Variants in ROBO2 observed in about 807,000 individuals in gnomAD.
ROBO2 encodes roundabout guidance receptor 2, also known as roundabout homolog 2.
A neutral mutation model predicts 160.8 loss-of-function variants in ROBO2; 53 were observed. The observed-to-expected ratio is 0.33, with a 90% CI of 0.26 to 0.41. ROBO2 has a LOEUF of 0.41. Ranked by LOEUF, ROBO2 falls within the 10% of genes least tolerant of loss-of-function variation. The pLI, the probability that ROBO2 is intolerant of heterozygous loss-of-function variation, is 1.00. For missense variants in ROBO2, 1,577 were observed against 1,722.4 expected (o/e 0.92, Z 1.49); for synonymous variants, 664 against 611.7 (o/e 1.09, Z -1.26).
In ROBO2 at chr3:77,130,857, A is replaced by G. The variant is rs9851604; in HGVS notation, c.388+32517A>G. 7.3e-3 allele frequency among the ~76,000 whole-genome samples: 1,113 copies of G among 152,326 alleles called. 10 individuals are homozygous for G. Among genetic ancestry groups the G allele is most frequent in the Non-Finnish European group, 9.7e-3 (660 of 68,030 alleles). On this transcript the variant is annotated intron_variant, in intron 2 of 25. Transcript: ENST00000461745. ...TGATTGCTTTAAAATGGAAACATAT[A>G]TGATTTTCCATCATTTATATATGAA... is the stretch of plus-strand genomic sequence containing the variant.
chr3:77,638,541 G>GTCCC (rs2095300999), intron 24 of ROBO2, among the ~76,000 whole-genome samples: 1 of 152,022 alleles, frequency 6.6e-6, no homozygotes, highest in Admixed American at 6.6e-5. Flanking sequence ...CCTTCCCTGT[G>GTCCC]TCCCATAAGA....
intron 2 of ROBO2, among the ~76,000 whole-genome samples, chr3:77,151,427 AG>A (rs1261363270): frequency 6.6e-6 from 1 of 152,152 alleles, no homozygotes; most frequent in African/African-American, 2.4e-5. Context: ...TAAATGGAGA[AG>A]TAAGTTTTTC....
chr3:76,212,609 T>C (rs982454490), intron 2 of ROBO2, among the ~76,000 whole-genome samples: 28 of 152,150 alleles, frequency 1.8e-4, no homozygotes, highest in Admixed American at 1.2e-3. Context: ...TCATTTATTA[T>C]GCAATAAGAT....
intron 2 of ROBO2, among the ~76,000 whole-genome samples, chr3:76,248,441 T>C (rs1162221279): frequency 2.1e-5 from 3 of 141,906 alleles, no homozygotes; most frequent in Non-Finnish European, 4.5e-5. Flanking sequence ...AATTGAACAA[T>C]GAGATCACAT....
At chr3:77,266,925 T>C (rs2059160427) in intron 2 of ROBO2, among the ~76,000 whole-genome samples, 1 of 152,184 alleles carries the variant, frequency 6.6e-6, no homozygotes, top group Non-Finnish European at 1.5e-5. Context: ...ATGTTGATTT[T>C]TTCAAGCTTT....
At chr3:76,062,313 TA>T (rs1212880307) in intron 2 of ROBO2, among the ~76,000 whole-genome samples, 1 of 142,680 alleles carries the variant, frequency 7.0e-6, no homozygotes, top group African/African-American at 2.7e-5. Context: ...AAAGTTAACT[TA>T]AAAATTTCAG....
intron 2 of ROBO2, among the ~76,000 whole-genome samples, chr3:77,205,423 G>A (rs780021009): frequency 6.6e-6 from 1 of 151,874 alleles, no homozygotes. Flanking sequence ...CTGCCGTGCC[G>A]TTCTGCTGTT....
intron 2 of ROBO2, among the ~76,000 whole-genome samples, chr3:76,600,635 A>G (rs2087068707): frequency 6.6e-6 from 1 of 152,150 alleles, no homozygotes; most frequent in South Asian, 2.1e-4. Flanking sequence ...CAGTGCAGGA[A>G]AGGCCCACCC....
chr3:77,211,787 A>C (rs1406019649), intron 2 of ROBO2, among the ~76,000 whole-genome samples: 1 of 152,182 alleles, frequency 6.6e-6, no homozygotes, highest in Non-Finnish European at 1.5e-5. Flanking sequence ...TCAGCTTTCT[A>C]CATATGGCTA....
chr3:77,317,981 C>G (rs143301527), intron 2 of ROBO2, among the ~76,000 whole-genome samples: 1 of 151,318 alleles, frequency 6.6e-6, no homozygotes, highest in Non-Finnish European at 1.5e-5. Context: ...CTCCACATTG[C>G]GAAGAAGGTG....
chr3:76,161,747 G>A (rs1331896242), intron 2 of ROBO2, among the ~76,000 whole-genome samples: 5 of 151,950 alleles, frequency 3.3e-5, no homozygotes, highest in African/African-American at 1.2e-4. Context: ...GGTGTGCTTG[G>A]TTCTTACTCT....
At chr3:76,903,092 G>A (rs1396815672) in intron 2 of ROBO2, among the ~76,000 whole-genome samples, 1 of 151,874 alleles carries the variant, frequency 6.6e-6, no homozygotes, top group Non-Finnish European at 1.5e-5. Flanking sequence ...TAATATTATA[G>A]TACAGTTTTC....
In ROBO2 at chr3:76,690,450, A is replaced by G. The variant is rs746260301; in HGVS notation, c.110-407564A>G. On this transcript the variant is annotated intron_variant, in intron 2 of 26. Coordinates refer to the ROBO2 transcript ENST00000487694. ...ATCCCCTTTCATCATCTTGGAGGATACAACATCAAGGCACCATCTTGGAAT... is the reference window on the plus strand; with the variant it reads ...ATCCCCTTTCATCATCTTGGAGGATGCAACATCAAGGCACCATCTTGGAAT... 3.3e-5 allele frequency among the ~76,000 whole-genome samples: 5 copies of G among 152,150 alleles called. No individual in the cohort carries two copies. The South Asian group carries it at 6.2e-4, about 19-fold the overall frequency.
chr3:77,485,151 T>G (rs921810002), intron 4 of ROBO2, among the ~76,000 whole-genome samples: 4 of 152,220 alleles, frequency 2.6e-5, no homozygotes, highest in South Asian at 2.1e-4. Flanking sequence ...ATCCTATGTT[T>G]GTTTCTTTCT....
At chr3:77,632,515 C>T (rs574688709) in intron 23 of ROBO2, 247 of 1,535,316 alleles carry the variant, frequency 1.6e-4, no homozygotes, top group Non-Finnish European at 2.1e-4. Flanking sequence ...TGATGAGGAT[C>T]GTAACTTTTC....
At chr3:76,422,738 C>T (rs181923372) in intron 2 of ROBO2, among the ~76,000 whole-genome samples, 1 of 152,210 alleles carries the variant, frequency 6.6e-6, no homozygotes, top group Admixed American at 6.5e-5. Context: ...CACTTTGATA[C>T]TGCAAAATTC....
At chr3:77,335,443 A>T (rs888830880) in intron 2 of ROBO2, among the ~76,000 whole-genome samples, 7 of 152,190 alleles carry the variant, frequency 4.6e-5, no homozygotes, top group Non-Finnish European at 1.0e-4. Flanking sequence ...AGATCAAAAA[A>T]TATCTGTATG....
At chr3:77,488,724 A>G (rs868339870) in intron 4 of ROBO2, among the ~76,000 whole-genome samples, 1 of 152,068 alleles carries the variant, frequency 6.6e-6, no homozygotes, top group African/African-American at 2.4e-5. Flanking sequence ...TAATTTTTAA[A>G]ATTTGTGTCT....
intron 2 of ROBO2, among the ~76,000 whole-genome samples, chr3:76,467,354 C>G (rs9883120): frequency 0.39 from 58,516 of 151,892 alleles, 11,431 homozygotes; most frequent in East Asian, 0.43. Flanking sequence ...CAAGATTTAG[C>G]TATCCAAAAA....
Sources: allele counts gnomAD v4.1 joint callset (sites outside exome capture counted in the v4.1 genomes callset), GRCh38; gene constraint gnomAD v4.1.1; transcripts MANE v1.5; gene names NCBI Gene and HGNC (gene_info 2026-07-23, HGNC 2026-07-21).